The following MAGI2 variants were observed in gnomAD, a reference collection of about 807,000 sequenced individuals.
MAGI2 encodes the protein membrane-associated guanylate kinase, WW and PDZ domain-containing protein 2.
In MAGI2, 35 loss-of-function variants were observed where a neutral mutation model predicts 133.3. That is an observed-to-expected ratio of 0.26 (90% confidence interval 0.20 to 0.35). MAGI2 has a LOEUF of 0.35. MAGI2 is among the 10% of genes least tolerant of loss of function. The pLI is 1.00. For missense variants in MAGI2, 1,636 were observed against 1,863.4 expected, an observed-to-expected ratio of 0.88 and a Z score of 2.25; for synonymous variants, 729 against 710.6, an observed-to-expected ratio of 1.03 and a Z score of -0.41.
At position 78,453,707 on chromosome 7, in the gene MAGI2, C is replaced by T. The variant is rs143743980; in HGVS notation, c.1045+36054G>A. 3.8e-3 allele frequency among the ~76,000 whole-genome samples: 573 copies of T among 152,292 alleles called. 4 individuals carry two copies. Among genetic ancestry groups the T allele is most frequent in the African/African-American group, 0.013 (538 of 41,558 alleles). The stretch of plus-strand genomic sequence containing the variant: ...GGCAGTATGCTAAACTCTTCATAGA[C>T]ATTATCCCAGATAATTTCTACCAAA... On this transcript the variant is annotated intron_variant, in intron 6 of 21. Coordinates refer to ENST00000354212, the MANE Select transcript of MAGI2 (RefSeq NM_012301.4).
At chr7:78,864,010 T>C (rs984623272) in intron 2 of MAGI2, among the ~76,000 whole-genome samples, 2 of 152,226 alleles carry the variant, frequency 1.3e-5, no homozygotes, top group Non-Finnish European at 2.9e-5. Flanking sequence ...GGGAAAAAGC[T>C]GTACAAGGTA....
chr7:78,971,308 AT>A (rs1803767609), intron 2 of MAGI2, among the ~76,000 whole-genome samples: 1 of 152,076 alleles, frequency 6.6e-6, no homozygotes, highest in Admixed American at 6.6e-5. Flanking sequence ...AGATATGGAG[AT>A]AAATCTATAA....
chr7:79,172,085 T>C (rs1464019606), intron 1 of MAGI2, among the ~76,000 whole-genome samples: 1 of 151,936 alleles, frequency 6.6e-6, no homozygotes, highest in African/African-American at 2.4e-5. Context: ...GTTCGATCTC[T>C]TCTATTTCTC....
At chr7:79,249,701 C>T (rs983702125) in intron 1 of MAGI2, among the ~76,000 whole-genome samples, 3 of 152,068 alleles carry the variant, frequency 2.0e-5, no homozygotes, top group African/African-American at 4.8e-5. Flanking sequence ...GGCTTCACTC[C>T]TAAATGTTAT....
intron 3 of MAGI2, among the ~76,000 whole-genome samples, chr7:78,558,589 A>G (rs917580984): frequency 6.6e-6 from 1 of 152,236 alleles, no homozygotes; most frequent in African/African-American, 2.4e-5. Flanking sequence ...CTAAAGCCCT[A>G]GCCCAGGAGG....
intron 2 of MAGI2, among the ~76,000 whole-genome samples, chr7:78,920,667 A>T (rs1439226315): frequency 1.3e-5 from 2 of 151,928 alleles, no homozygotes; most frequent in Non-Finnish European, 2.9e-5. Context: ...CTCCAAGCTA[A>T]TTTTTTCCTA....
At chr7:78,674,488 A>G (rs1186741805) in intron 2 of MAGI2, among the ~76,000 whole-genome samples, 3 of 152,092 alleles carry the variant, frequency 2.0e-5, no homozygotes, top group Non-Finnish European at 2.9e-5. Context: ...TAAAAAAAAA[A>G]TGGTAAATGT....
chr7:78,058,353 C>A (rs768424925), intron 21 of MAGI2, among the ~76,000 whole-genome samples: 8 of 152,124 alleles, frequency 5.3e-5, no homozygotes, highest in Non-Finnish European at 1.0e-4. Flanking sequence ...TCCCTCCCCC[C>A]ACTTTTCCGT....
At chr7:79,281,839 G>A (rs1296708684) in intron 1 of MAGI2, among the ~76,000 whole-genome samples, 3 of 152,078 alleles carry the variant, frequency 2.0e-5, no homozygotes, top group East Asian at 1.9e-4. Flanking sequence ...ATATGAAACA[G>A]AGTTAGAGAA....
At chr7:79,096,129 T>A (rs1282524119) in intron 1 of MAGI2, among the ~76,000 whole-genome samples, 1 of 152,070 alleles carries the variant, frequency 6.6e-6, no homozygotes, top group Admixed American at 6.6e-5. Flanking sequence ...GACCTCTGAA[T>A]ATGGTGTTGC....
chr7:79,096,533 G>A (rs1817536132), intron 1 of MAGI2, among the ~76,000 whole-genome samples: 1 of 151,918 alleles, frequency 6.6e-6, no homozygotes, highest in African/African-American at 2.4e-5. Context: ...TACTCCTTTG[G>A]GTGCATCATC....
At chr7:78,117,890 A>G (rs148222641) in intron 20 of MAGI2, among the ~76,000 whole-genome samples, 1 of 152,310 alleles carries the variant, frequency 6.6e-6, no homozygotes, top group African/African-American at 2.4e-5. Flanking sequence ...TTAAAATGAC[A>G]TTAAAAATAC....
At chr7:78,485,127 G>A (rs1158408732) in intron 6 of MAGI2, 23 of 151,916 alleles carry the variant, frequency 1.5e-4, no homozygotes, top group Admixed American at 6.6e-5. Flanking sequence ...CCATATTACC[G>A]ACTCTGAGAG....
At chr7:79,093,990 C>T (rs558971027) in intron 1 of MAGI2, among the ~76,000 whole-genome samples, 42 of 152,202 alleles carry the variant, frequency 2.8e-4, no homozygotes, top group South Asian at 1.9e-3. Flanking sequence ...GCTGGAGTTA[C>T]AGGTGTGAGC....
chr7:78,101,908 T>C (rs1183633375), intron 20 of MAGI2, among the ~76,000 whole-genome samples: 1 of 152,198 alleles, frequency 6.6e-6, no homozygotes, highest in Non-Finnish European at 1.5e-5. Context: ...AATCCGTGTA[T>C]GCCCATGTTC....
At chr7:78,570,205 A>C (rs1801365321) in intron 3 of MAGI2, among the ~76,000 whole-genome samples, 1 of 152,204 alleles carries the variant, frequency 6.6e-6, no homozygotes, top group African/African-American at 2.4e-5. Context: ...AGATATTGCC[A>C]AACAAGTCTT....
intron 1 of MAGI2, among the ~76,000 whole-genome samples, chr7:79,374,360 G>A (rs1156743282): frequency 6.6e-6 from 1 of 151,410 alleles, no homozygotes; most frequent in African/African-American, 2.4e-5. Context: ...AAGACAATGT[G>A]AAAATACACA....
chr7:78,802,819 G>T (rs532688148), intron 2 of MAGI2, among the ~76,000 whole-genome samples: 1 of 151,934 alleles, frequency 6.6e-6, no homozygotes, highest in Non-Finnish European at 1.5e-5. Context: ...GATGTTGATA[G>T]TGAGGAAGGC....
At chr7:78,857,084 AT>A (rs2151491946) in intron 2 of MAGI2, among the ~76,000 whole-genome samples, 1 of 152,174 alleles carries the variant, frequency 6.6e-6, no homozygotes, top group East Asian at 1.9e-4. Flanking sequence ...AATGCTTGTG[AT>A]TTTTGCACAT....
Sources: allele counts gnomAD v4.1 joint callset (sites outside exome capture counted in the v4.1 genomes callset), GRCh38; gene constraint gnomAD v4.1.1; transcripts MANE v1.5; gene names NCBI Gene and HGNC (gene_info 2026-07-23, HGNC 2026-07-21).